Variants in UTP4 observed in about 807,000 individuals in gnomAD.
UTP4 encodes U3 small nucleolar RNA-associated protein 4 homolog.
Under a neutral mutation model 82.4 loss-of-function variants are expected in UTP4, and 45 were observed. That is an observed-to-expected ratio of 0.55 (90% CI 0.43 to 0.70). UTP4 has a LOEUF of 0.70. Ranked by LOEUF, UTP4 falls within the 30% of genes least tolerant of loss-of-function variation. The pLI is 0.00. For synonymous variants in UTP4, 348 were observed against 300.3 expected, an observed-to-expected ratio of 1.16 and a Z score of -1.64; for missense variants, 819 against 858.3, an observed-to-expected ratio of 0.95 and a Z score of 0.57.
chr16:69,148,848 C>CAGA (rs1963188377), intron 6 of UTP4, among the ~76,000 whole-genome samples: 2 of 152,124 alleles, frequency 1.3e-5, no homozygotes, highest in South Asian at 4.1e-4. Context: ...TGAAGTGATT[C>CAGA]TCCTGCCTTC....
At chr16:69,139,327 G>T (rs1415337199) in intron 4 of UTP4, among the ~76,000 whole-genome samples, 2 of 151,938 alleles carry the variant, frequency 1.3e-5, no homozygotes, top group South Asian at 2.1e-4. Context: ...CATACATTTT[G>T]TCAAGTATGA....
intron 6 of UTP4, among the ~76,000 whole-genome samples, chr16:69,145,183 GAGAA>G (rs1963074625): frequency 6.6e-6 from 1 of 152,106 alleles, no homozygotes; most frequent in African/African-American, 2.4e-5. Context: ...TTTCACCTAA[GAGAA>G]AGAGAATACA....
At chr16:69,161,524 A>G (rs1034922404) in intron 13 of UTP4, among the ~76,000 whole-genome samples, 2 of 152,208 alleles carry the variant, frequency 1.3e-5, no homozygotes, top group Admixed American at 1.3e-4. Flanking sequence ...CTAGGCATTT[A>G]TTTATTTTAA....
chr16:69,166,884 T>C lies in UTP4; in HGVS notation c.1834-191T>C, dbSNP rs553144249. 19 of 594,552 alleles carry C rather than the reference T, an allele frequency of 3.2e-5. 1 individual carries two copies. Among genetic ancestry groups the C allele is most frequent in the South Asian group, 2.3e-4 (11 of 48,838 alleles). The allele number at this position is 594,552 out of a possible 1,614,324, so 36.8% of individuals were successfully genotyped here. On this transcript the variant is annotated intron_variant, in intron 15 of 16. Transcript: ENST00000314423. ...TCCCTCTCTCTCCTTTTCTTCTTTTTTTCCCCCCTAGTTTTTCTGAATAGA... is the reference window on the plus strand; with the variant it reads ...TCCCTCTCTCTCCTTTTCTTCTTTTCTTCCCCCCTAGTTTTTCTGAATAGA...
At chr16:69,142,774 G>C (rs186840559) in intron 5 of UTP4, among the ~76,000 whole-genome samples, 50 of 152,282 alleles carry the variant, frequency 3.3e-4, no homozygotes, top group African/African-American at 1.1e-3. Context: ...GTGTGCAGTT[G>C]ACCAGCTTTA....
rs768165340 is a variant in UTP4 at position 69,139,889 on chromosome 16, C to T, written c.501C>T (p.Tyr167=). ...GTHIAAGSID[Y]ISVFDVKSGS... ...ACATTGCAGCTGGTTCCATAGACTA[C>T]ATTAGTGTGTTTGATGTCAAATCAG... The change falls in exon 5 of 17, where the codon TAC becomes TAT. Residue 167 remains tyrosine (Y), a synonymous_variant. Coordinates refer to ENST00000314423, the MANE Select transcript of UTP4 (RefSeq NM_032830.3). 1.2e-6 allele frequency: 2 copies of T among 1,613,378 alleles called. No individual in the cohort carries two copies. Among genetic ancestry groups the T allele is most frequent in the East Asian group, 2.2e-5 (1 of 44,872 alleles).
chr16:69,167,066 T>G lies in UTP4; in HGVS notation c.1834-9T>G. ...TAACCATTTAAACAATGTGTCTTTG[T>G]TTTTTTAGCCCCTTCCAAATGACAA... is the stretch of plus-strand genomic sequence containing the variant. On this transcript the variant is annotated splice_polypyrimidine_tract_variant and intron_variant, in intron 15 of 16. Coordinates refer to ENST00000314423, the MANE Select transcript of UTP4 (RefSeq NM_032830.3). 6.3e-7 allele frequency: 1 copy of G among 1,591,996 alleles called. No homozygotes were observed. The highest frequency in any genetic ancestry group is 8.6e-7 in the Non-Finnish European group (1 of 1,159,984).
chr16:69,159,670 G>C (rs1351094745), intron 12 of UTP4, among the ~76,000 whole-genome samples: 1 of 151,176 alleles, frequency 6.6e-6, no homozygotes, highest in Middle Eastern at 3.2e-3. Flanking sequence ...CCTGACAACA[G>C]AGTGAGACTC....
At position 69,136,742 on chromosome 16, in the gene UTP4, CAGA is replaced by C. The variant is rs1962823813; in HGVS notation, c.209_211del (p.Glu70del). On this transcript the variant is annotated inframe_deletion, in exon 3 of 17. Coordinates refer to ENST00000314423, the MANE Select transcript of UTP4 (RefSeq NM_032830.3). ...CGGGCTACAGAAGCTTTGTGCTGGG[CAGA>C]AGGACAGCGACTCTTTAGTGCTGGG... 1 of 1,613,980 alleles carries C rather than the reference CAGA, an allele frequency of 6.2e-7. No homozygotes were observed. Among genetic ancestry groups the C allele is most frequent in the Non-Finnish European group, 8.5e-7 (1 of 1,179,942 alleles).
At chr16:69,137,949 G>A in intron 4 of UTP4, 64 bp downstream of exon 4, 1 of 977,274 alleles carries the variant, frequency 1.0e-6, no homozygotes, top group Non-Finnish European at 1.7e-6. Flanking sequence ...CTGTGCCACT[G>A]GGGATGGGAT....
intron 11 of UTP4, 43 bp from the exon 12 acceptor site, chr16:69,157,041 G>A (rs768574108): frequency 1.2e-6 from 2 of 1,608,496 alleles, no homozygotes; most frequent in Non-Finnish European, 1.7e-6. Context: ...TGGGCTGTAG[G>A]TCTCCCTTCT....
chr16:69,167,842 CAA>C (rs35837577), intron 16 of UTP4: 29 of 126,832 alleles, frequency 2.3e-4, no homozygotes, highest in East Asian at 9.7e-4. Flanking sequence ...CCTGTCTCTA[CAA>C]AAAAAAAAAA....
intron 10 of UTP4, among the ~76,000 whole-genome samples, chr16:69,154,773 A>C (rs1362323368): frequency 6.6e-6 from 1 of 151,536 alleles, no homozygotes; most frequent in Non-Finnish European, 1.5e-5. Flanking sequence ...TTGTTGCCCA[A>C]GCTGGAGTGC....
At chr16:69,168,212 G>A (rs1287510353) in intron 16 of UTP4, among the ~76,000 whole-genome samples, 5 of 151,980 alleles carry the variant, frequency 3.3e-5, no homozygotes, top group African/African-American at 7.2e-5. Context: ...CAAGGTGGGC[G>A]GATCACGAGT....
intron 13 of UTP4, 128 bp downstream of exon 13, chr16:69,160,590 TTTC>T: frequency 1.4e-6 from 1 of 714,488 alleles, no homozygotes; most frequent in Non-Finnish European, 2.4e-6. Flanking sequence ...TTTATTTTCT[TTTC>T]TTTTCTTTTT....
chr16:69,150,516 C>T (rs1218231407), intron 6 of UTP4, 21 bp from the exon 7 acceptor site: 2 of 1,614,058 alleles, frequency 1.2e-6, no homozygotes, highest in South Asian at 1.1e-5. Context: ...CGTGTACCTC[C>T]CTCATGATTT....
chr16:69,155,929 C>T lies in UTP4; in HGVS notation c.1223C>T (p.Ser408Phe), dbSNP rs1963397929. 4 of 1,613,998 alleles carry T rather than the reference C, an allele frequency of 2.5e-6. No individual in the cohort carries two copies. The highest frequency in any genetic ancestry group is 3.4e-6 in the Non-Finnish European group (4 of 1,179,940). ...ISPCGSWIAYSTVSRFFLYRL... is the reference protein window; with the variant it reads ...ISPCGSWIAYFTVSRFFLYRL... ...CCATGTGGAAGTTGGATAGCCTATT[C>T]TACAGTTTCTCGGTTTTTTCTCTAT... The change falls in exon 11 of 17, where the codon TCT becomes TTT. Residue 408 changes from serine (S) to phenylalanine (F), a missense_variant. Ser to Phe is a radical substitution (Grantham distance 155). Coordinates refer to ENST00000314423, the MANE Select transcript of UTP4 (RefSeq NM_032830.3).
chr16:69,163,880 G>GTTTTTTTTTTT (rs201368311), intron 14 of UTP4, among the ~76,000 whole-genome samples: 1 of 132,598 alleles, frequency 7.5e-6, no homozygotes, highest in African/African-American at 2.9e-5. Context: ...TTGATGGTCA[G>GTTTTTTTTTTT]TTTGTTTTTT....
chr16:69,136,959 C>T, intron 3 of UTP4, 72 bp downstream of exon 3: 1 of 1,275,200 alleles, frequency 7.8e-7, no homozygotes, highest in Non-Finnish European at 1.1e-6. Context: ...TCCCTGTGCT[C>T]ATAGGAGAGT....
Sources: allele counts gnomAD v4.1 joint callset (sites outside exome capture counted in the v4.1 genomes callset), GRCh38; gene constraint gnomAD v4.1.1; transcripts MANE v1.5; gene names NCBI Gene and HGNC (gene_info 2026-07-23, HGNC 2026-07-21).